Variants in HS6ST3 observed in about 807,000 individuals in gnomAD.
HS6ST3 encodes heparan sulfate 6-O-sulfotransferase 3.
HS6ST3 carries 12 observed loss-of-function variants against 36.7 expected under a neutral mutation model. The ratio of observed to expected loss-of-function variants is 0.33; its 90% CI spans 0.21 to 0.53. The LOEUF is 0.53. Ranked by LOEUF, HS6ST3 falls within the 20% of genes least tolerant of loss-of-function variation. HS6ST3 has a pLI of 0.95. For missense variants in HS6ST3, 584 were observed against 640.9 expected (o/e 0.91, Z 0.96); for synonymous variants, 240 against 257.5 (o/e 0.93, Z 0.65).
chr13:96,215,282 T>A (rs1377844075), intron 1 of HS6ST3, among the ~76,000 whole-genome samples: 1 of 152,232 alleles, frequency 6.6e-6, no homozygotes, highest in Non-Finnish European at 1.5e-5. Flanking sequence ...GTGTATGGCT[T>A]TCTGTTCACC....
chr13:96,314,625 T>C (rs909869646), intron 1 of HS6ST3, among the ~76,000 whole-genome samples: 4 of 152,302 alleles, frequency 2.6e-5, no homozygotes, highest in Admixed American at 2.6e-4. Flanking sequence ...TGAATAATTG[T>C]TGCACTCATC....
chr13:96,535,509 G>T (rs1315179785), intron 1 of HS6ST3, among the ~76,000 whole-genome samples: 1 of 139,680 alleles, frequency 7.2e-6, no homozygotes, highest in Non-Finnish European at 1.5e-5. Context: ...AGTGAGCCGA[G>T]ATCTCACCAT....
At position 96,580,864 on chromosome 13, in the gene HS6ST3, T is replaced by C. The variant is rs568718057; in HGVS notation, c.708-251626T>C. Reference sequence around the variant, plus strand: ...TTTCAAGCCTTTAACATTTAAATAATCAGCCTTCCTAAAATGATTGAAAAT... The same window carrying C: ...TTTCAAGCCTTTAACATTTAAATAACCAGCCTTCCTAAAATGATTGAAAAT... On this transcript the variant is annotated intron_variant, in intron 1 of 1. Coordinates refer to ENST00000376705, the MANE Select transcript of HS6ST3 (RefSeq NM_153456.4). Among the ~76,000 whole-genome samples, 4 of 152,172 alleles carry C rather than the reference T, an allele frequency of 2.6e-5. No individual in the cohort carries two copies. The South Asian group carries it at 8.3e-4, about 32-fold the overall frequency.
intron 1 of HS6ST3, among the ~76,000 whole-genome samples, chr13:96,627,089 A>G (rs1445400001): frequency 6.6e-6 from 1 of 152,118 alleles, no homozygotes; most frequent in Non-Finnish European, 1.5e-5. Context: ...AGAAAAAGTA[A>G]TACAAGTCAT....
intron 1 of HS6ST3, among the ~76,000 whole-genome samples, chr13:96,378,198 C>T (rs768819152): frequency 1.6e-4 from 25 of 152,090 alleles, no homozygotes; most frequent in Non-Finnish European, 2.6e-4. Context: ...AGGTGCTCTC[C>T]CAGGAAACAC....
intron 1 of HS6ST3, among the ~76,000 whole-genome samples, chr13:96,651,528 G>T (rs576250027): frequency 1.3e-5 from 2 of 152,144 alleles, no homozygotes; most frequent in South Asian, 2.1e-4. Context: ...CCATGAGCAT[G>T]CTGTACCCTC....
At chr13:96,383,596 C>T (rs973158540) in intron 1 of HS6ST3, among the ~76,000 whole-genome samples, 6 of 152,182 alleles carry the variant, frequency 3.9e-5, no homozygotes, top group African/African-American at 1.4e-4. Context: ...GTTTCTAGGT[C>T]AGTCACCAAC....
chr13:96,447,578 C>T (rs2055705277), intron 1 of HS6ST3, among the ~76,000 whole-genome samples: 1 of 152,170 alleles, frequency 6.6e-6, no homozygotes, highest in African/African-American at 2.4e-5. Flanking sequence ...TCTTCTTGCC[C>T]TTGGCCTACA....
chr13:96,526,226 T>C, intron 1 of HS6ST3, among the ~76,000 whole-genome samples: 1 of 152,148 alleles, frequency 6.6e-6, no homozygotes, highest in South Asian at 2.1e-4. Flanking sequence ...GGGACACAGG[T>C]CCCAATCACA....
intron 1 of HS6ST3, among the ~76,000 whole-genome samples, chr13:96,629,005 T>C (rs1017954952): frequency 1.1e-4 from 16 of 152,304 alleles, no homozygotes; most frequent in African/African-American, 3.6e-4. Flanking sequence ...TTTTCTGTCA[T>C]GTCTTGTTTT....
intron 1 of HS6ST3, among the ~76,000 whole-genome samples, chr13:96,755,339 A>G (rs1876799382): frequency 6.6e-6 from 1 of 151,612 alleles, no homozygotes; most frequent in Non-Finnish European, 1.5e-5. Context: ...TCAGTAGTTC[A>G]GTTTTTTTGT....
chr13:96,772,214 C>T (rs1877282509), intron 1 of HS6ST3, among the ~76,000 whole-genome samples: 1 of 152,144 alleles, frequency 6.6e-6, no homozygotes, highest in Non-Finnish European at 1.5e-5. Context: ...CTACTTACAC[C>T]AGCTGCCTCG....
At chr13:96,611,100 T>C (rs1037821811) in intron 1 of HS6ST3, among the ~76,000 whole-genome samples, 1 of 150,366 alleles carries the variant, frequency 6.7e-6, no homozygotes, top group Non-Finnish European at 1.5e-5. Flanking sequence ...CTTTATTTTC[T>C]TTTTTTATTT....
intron 1 of HS6ST3, among the ~76,000 whole-genome samples, chr13:96,409,316 T>A (rs764975792): frequency 3.3e-5 from 5 of 152,236 alleles, no homozygotes; most frequent in African/African-American, 4.8e-5. Context: ...GACTAATGAA[T>A]ATTTGGTTGA....
At chr13:96,317,683 T>C (rs2054982761) in intron 1 of HS6ST3, among the ~76,000 whole-genome samples, 1 of 151,272 alleles carries the variant, frequency 6.6e-6, no homozygotes, top group South Asian at 2.1e-4. Flanking sequence ...TAGCCAACAG[T>C]ATATAAACGT....
chr13:96,534,846 C>G (rs1283983909), intron 1 of HS6ST3, among the ~76,000 whole-genome samples: 10 of 152,090 alleles, frequency 6.6e-5, no homozygotes, highest in Admixed American at 3.3e-4. Context: ...ATAGCCCCAG[C>G]TACTTAGGGA....
At position 96,091,407 on chromosome 13, in the gene HS6ST3, A is replaced by C. The variant is rs965100269; in HGVS notation, c.545A>C (p.Lys182Thr). 3 of 1,613,566 alleles carry C rather than the reference A, an allele frequency of 1.9e-6. No homozygotes were observed. Among genetic ancestry groups the C allele is most frequent in the African/African-American group, 2.7e-5 (2 of 75,046 alleles). Residue 182 changes from lysine to threonine, a missense_variant, in exon 1 of 2, where the codon AAG (lysine) becomes ACG (threonine). Lys to Thr is a moderately conservative substitution (Grantham distance 78). This residue lies in a region of HS6ST3 where 360 missense variants were observed against 411.3 expected (regional missense o/e 0.88). Coordinates refer to ENST00000376705, the MANE Select transcript of HS6ST3 (RefSeq NM_153456.4). ...EQPCSCKAGQ[K>T]KCTCHRPGKK... The stretch of plus-strand genomic sequence containing the variant: ...CCTTGTAGCTGCAAAGCGGGTCAGA[A>C]GAAGTGCACCTGCCACCGGCCTGGC...
At chr13:96,350,172 G>C (rs889474053) in intron 1 of HS6ST3, among the ~76,000 whole-genome samples, 1 of 152,174 alleles carries the variant, frequency 6.6e-6, no homozygotes. Context: ...GCTACATTAA[G>C]CCAGGCTACT....
At chr13:96,308,047 C>G (rs1360950126) in intron 1 of HS6ST3, among the ~76,000 whole-genome samples, 1 of 152,022 alleles carries the variant, frequency 6.6e-6, no homozygotes, top group Non-Finnish European at 1.5e-5. Flanking sequence ...TTAACTACCA[C>G]TTTAATATGG....
Sources: gnomAD v4.1 joint callset for allele counts (sites outside exome capture counted in the v4.1 genomes callset) on GRCh38, gnomAD v4.1.1 for gene constraint, gnomAD v4.1.1 regional missense constraint, MANE v1.5 for transcripts, NCBI Gene and HGNC (gene_info 2026-07-23, HGNC 2026-07-21) for gene names.